ZNF385B: variants seen among roughly 807,000 people sequenced by gnomAD.
ZNF385B encodes zinc finger protein 533.
ZNF385B carries 23 observed loss-of-function variants against 39.2 expected under a neutral mutation model. The observed-to-expected ratio is 0.59, with a 90% CI of 0.42 to 0.83. The LOEUF is 0.83. ZNF385B is among the 40% of genes least tolerant of loss of function. The pLI is 0.00. For missense variants in ZNF385B, 552 were observed against 598.9 expected (o/e 0.92, Z 0.82); for synonymous variants, 205 against 222.6 (o/e 0.92, Z 0.70).
chr2:179,562,492 C>A, intron 3 of ZNF385B: 15 of 985,348 alleles, frequency 1.5e-5, no homozygotes, highest in Non-Finnish European at 1.8e-5. Context: ...TCATCTCAAC[C>A]TGGTGCTCCC....
intron 3 of ZNF385B, among the ~76,000 whole-genome samples, chr2:179,580,536 G>A (rs940574091): frequency 6.6e-6 from 1 of 152,178 alleles, no homozygotes; most frequent in Non-Finnish European, 1.5e-5. Flanking sequence ...CAGGCCAGGA[G>A]GCCAGGTAAG....
rs192143988 is a variant in ZNF385B at position 179,524,374 on chromosome 2, A to G, written c.442-5736T>C. On this transcript the variant is annotated intron_variant, in intron 4 of 9. Coordinates refer to ENST00000410066, the MANE Select transcript of ZNF385B (RefSeq NM_152520.6). ...GCGACAATCCTGGCTAACAAGGTAA[A>G]ACCCCGTCTCTACTAAAAATAAAAA... 1.9e-4 allele frequency among the ~76,000 whole-genome samples: 29 copies of G among 151,636 alleles called. 1 individual carries two copies. The highest frequency in any genetic ancestry group is 6.3e-4 in the African/African-American group (26 of 41,300).
intron 5 of ZNF385B, among the ~76,000 whole-genome samples, chr2:179,518,248 A>AT (rs1265347463): frequency 1.3e-5 from 2 of 152,060 alleles, no homozygotes; most frequent in East Asian, 3.8e-4. Flanking sequence ...AATTTGTATT[A>AT]TTTTTTATTG....
intron 6 of ZNF385B, among the ~76,000 whole-genome samples, chr2:179,482,806 C>G (rs1019730786): frequency 7.2e-5 from 11 of 152,130 alleles, no homozygotes; most frequent in Admixed American, 2.0e-4. Flanking sequence ...AAAGTTCCCC[C>G]CTTTGGCTCC....
At chr2:179,500,952 A>G (rs1284390217) in intron 5 of ZNF385B, among the ~76,000 whole-genome samples, 1 of 152,234 alleles carries the variant, frequency 6.6e-6, no homozygotes, top group Non-Finnish European at 1.5e-5. Context: ...GACATTTCTT[A>G]AAAGAAGACT....
rs529821555 is a variant in ZNF385B, at chr2:179,580,698, C to T, written c.299-35729G>A. On this transcript the variant is annotated intron_variant, in intron 3 of 9. Coordinates refer to ENST00000410066, the MANE Select transcript of ZNF385B (RefSeq NM_152520.6). The stretch of plus-strand genomic sequence containing the variant: ...CTGCAAGCCAGGAAAAGAGCCCTCA[C>T]CAGAAACTGAATTGCCTGAAGACTT... Among the ~76,000 whole-genome samples the T allele has an allele frequency of 2.0e-5, 3 of 152,328 alleles. No homozygotes were observed. In the South Asian group the frequency reaches 6.2e-4, roughly 32 times the overall value.
At chr2:179,678,829 C>G (rs1697215192) in intron 3 of ZNF385B, among the ~76,000 whole-genome samples, 1 of 152,118 alleles carries the variant, frequency 6.6e-6, no homozygotes, top group African/African-American at 2.4e-5. Context: ...GGGAAGTCAT[C>G]CAACCTCCTA....
intron 1 of ZNF385B, among the ~76,000 whole-genome samples, chr2:179,801,565 C>T (rs1024222976): frequency 2.0e-5 from 3 of 152,142 alleles, no homozygotes; most frequent in South Asian, 2.1e-4. Context: ...GTAGTCATGT[C>T]TATCTTCAAC....
At chr2:179,636,882 T>C (rs2106207769) in intron 3 of ZNF385B, among the ~76,000 whole-genome samples, 1 of 152,312 alleles carries the variant, frequency 6.6e-6, no homozygotes, top group East Asian at 1.9e-4. Context: ...GTCGATATAG[T>C]TTTTTTCTTA....
At chr2:179,621,265 C>T (rs964638279) in intron 3 of ZNF385B, among the ~76,000 whole-genome samples, 2 of 152,074 alleles carry the variant, frequency 1.3e-5, no homozygotes, top group Non-Finnish European at 2.9e-5. Context: ...ACAAATTCTT[C>T]CAACCTGGAA....
chr2:179,485,099 A>C (rs558056756), intron 5 of ZNF385B, among the ~76,000 whole-genome samples: 201 of 152,346 alleles, frequency 1.3e-3, no homozygotes, highest in African/African-American at 4.6e-3. Flanking sequence ...AGACTTCTGC[A>C]ACAGCTATTT....
intron 3 of ZNF385B, among the ~76,000 whole-genome samples, chr2:179,623,203 G>T (rs1020909680): frequency 1.3e-5 from 2 of 151,756 alleles, no homozygotes; most frequent in Non-Finnish European, 2.9e-5. Context: ...GGAGAATTTA[G>T]CTCCAAAAAT....
At chr2:179,705,194 T>C (rs1011834472) in intron 3 of ZNF385B, among the ~76,000 whole-genome samples, 15 of 152,168 alleles carry the variant, frequency 9.9e-5, no homozygotes, top group Non-Finnish European at 2.1e-4. Context: ...CTGAAGGCAT[T>C]GCTCTCCTGG....
At chr2:179,486,731 A>G (rs941033430) in intron 5 of ZNF385B, among the ~76,000 whole-genome samples, 2 of 152,132 alleles carry the variant, frequency 1.3e-5, no homozygotes, top group African/African-American at 2.4e-5. Flanking sequence ...CCTAGGCAAC[A>G]TTACGAGACC....
chr2:179,524,569 A>G (rs1422244160), intron 4 of ZNF385B, among the ~76,000 whole-genome samples: 3 of 124,092 alleles, frequency 2.4e-5, no homozygotes, highest in Non-Finnish European at 3.7e-5. Flanking sequence ...AAAAAAAAAA[A>G]AAAAAAAAAA....
intron 3 of ZNF385B, among the ~76,000 whole-genome samples, chr2:179,655,720 ATTTCC>A (rs1418663737): frequency 6.6e-6 from 1 of 152,102 alleles, no homozygotes; most frequent in Non-Finnish European, 1.5e-5. Flanking sequence ...AAGAAATACT[ATTTCC>A]TTTCAATTAA....
intron 1 of ZNF385B, among the ~76,000 whole-genome samples, chr2:179,771,949 G>A (rs1704037445): frequency 1.3e-5 from 2 of 152,104 alleles, no homozygotes; most frequent in Non-Finnish European, 2.9e-5. Flanking sequence ...TTCAACTCAA[G>A]GAAGCAAGAT....
intron 3 of ZNF385B, among the ~76,000 whole-genome samples, chr2:179,631,477 T>A (rs1315537862): frequency 6.6e-6 from 1 of 152,156 alleles, no homozygotes; most frequent in Non-Finnish European, 1.5e-5. Flanking sequence ...TGCTGAGAGA[T>A]TCTGTCACCA....
chr2:179,776,067 C>G (rs987220122), intron 1 of ZNF385B, among the ~76,000 whole-genome samples: 2 of 152,214 alleles, frequency 1.3e-5, no homozygotes, highest in Non-Finnish European at 2.9e-5. Flanking sequence ...ACTGTTGAAG[C>G]TCAAACTGGA....
Sources: allele counts gnomAD v4.1 joint callset (sites outside exome capture counted in the v4.1 genomes callset), GRCh38; gene constraint gnomAD v4.1.1; transcripts MANE v1.5; gene names NCBI Gene and HGNC (gene_info 2026-07-23, HGNC 2026-07-21).